BBS9: variants seen among roughly 807,000 people sequenced by gnomAD.
The protein encoded by BBS9 is protein PTHB1.
A neutral mutation model predicts 117.7 loss-of-function variants in BBS9; 89 were observed. The ratio of observed to expected loss-of-function variants is 0.76; its 90% CI spans 0.64 to 0.90. The LOEUF is 0.90. BBS9 is among the 40% of genes least tolerant of loss of function. The probability of loss-of-function intolerance (pLI) is 0.00; values close to 1 mark genes in which losing one functional copy is unlikely to be tolerated. For synonymous variants in BBS9, 379 were observed against 370.9 expected (o/e 1.02, Z -0.25); for missense variants, 982 against 1,042.2 (o/e 0.94, Z 0.80).
intron 19 of BBS9, among the ~76,000 whole-genome samples, chr7:33,488,057 C>T (rs112884348): frequency 2.0e-3 from 299 of 152,288 alleles, no homozygotes; most frequent in African/African-American, 6.8e-3. Context: ...CAAAGCCAAA[C>T]TCTGATCCCA....
chr7:33,259,341 G>A (rs184547109), intron 6 of BBS9, among the ~76,000 whole-genome samples: 1 of 152,176 alleles, frequency 6.6e-6, no homozygotes, highest in Non-Finnish European at 1.5e-5. Context: ...TTCAGTGTAC[G>A]TAGGAGTCAC....
intron 6 of BBS9, among the ~76,000 whole-genome samples, chr7:33,260,800 G>A (rs1797862334): frequency 6.6e-6 from 1 of 152,196 alleles, no homozygotes; most frequent in Non-Finnish European, 1.5e-5. Context: ...ACCTCTAAGA[G>A]TTGAATGTAG....
chr7:33,628,049 AC>A (rs1865723779), intron 21 of BBS9, among the ~76,000 whole-genome samples: 1 of 152,154 alleles, frequency 6.6e-6, no homozygotes, highest in African/African-American at 2.4e-5. Context: ...TAATTTAAAA[AC>A]GTCTCAGATG....
chr7:33,286,273 G>A (rs760338374), intron 9 of BBS9, among the ~76,000 whole-genome samples: 6 of 152,092 alleles, frequency 3.9e-5, no homozygotes, highest in Non-Finnish European at 5.9e-5. Flanking sequence ...ATCCTTTTGT[G>A]TTTTGGGTTC....
chr7:33,549,299 CG>C (rs1430402706), intron 21 of BBS9, among the ~76,000 whole-genome samples: 1 of 128,156 alleles, frequency 7.8e-6, no homozygotes, highest in East Asian at 2.2e-4. Flanking sequence ...AAGACTTAAA[CG>C]TTAGACCTAA....
At chr7:33,601,179 C>CA (rs1863736808) in intron 21 of BBS9, among the ~76,000 whole-genome samples, 1 of 152,188 alleles carries the variant, frequency 6.6e-6, no homozygotes, top group African/African-American at 2.4e-5. Flanking sequence ...GTAGAGTGCT[C>CA]AGCACACAGT....
intron 20 of BBS9, among the ~76,000 whole-genome samples, chr7:33,517,454 T>A (rs1319572930): frequency 6.6e-6 from 1 of 152,196 alleles, no homozygotes; most frequent in Non-Finnish European, 1.5e-5. Context: ...ACTTAGTAGA[T>A]TAATGCCCAG....
chr7:33,189,768 C>G (rs1388527519), intron 5 of BBS9, among the ~76,000 whole-genome samples: 1 of 151,568 alleles, frequency 6.6e-6, no homozygotes, highest in African/African-American at 2.4e-5. Flanking sequence ...TGCCTGTAGT[C>G]CCAGCTACTC....
intron 19 of BBS9, among the ~76,000 whole-genome samples, chr7:33,480,188 T>G (rs916198936): frequency 3.3e-5 from 5 of 152,212 alleles, no homozygotes; most frequent in African/African-American, 1.2e-4. Context: ...TTGTAATGAT[T>G]AAAACATTCT....
chr7:33,387,366 C>G (rs919568978), intron 18 of BBS9, among the ~76,000 whole-genome samples: 13 of 151,980 alleles, frequency 8.6e-5, no homozygotes, highest in Admixed American at 8.5e-4. Context: ...AGGTTGTGGT[C>G]TTTTTCTCAT....
At chr7:33,536,939 T>C (rs767259105) in intron 21 of BBS9, among the ~76,000 whole-genome samples, 13 of 151,822 alleles carry the variant, frequency 8.6e-5, no homozygotes, top group Non-Finnish European at 1.0e-4. Flanking sequence ...CAGTTTACAA[T>C]GTTGGTTTAG....
At chr7:33,245,371 G>C (rs755519117) in intron 5 of BBS9, among the ~76,000 whole-genome samples, 11 of 151,972 alleles carry the variant, frequency 7.2e-5, no homozygotes, top group Non-Finnish European at 1.5e-4. Context: ...CATACAATGA[G>C]TACTTAGTCT....
intron 9 of BBS9, among the ~76,000 whole-genome samples, chr7:33,304,456 C>T (rs986136540): frequency 1.3e-4 from 19 of 150,548 alleles, no homozygotes; most frequent in African/African-American, 2.4e-4. Flanking sequence ...TGCCTCTGCC[C>T]GGCCGCAACC....
chr7:33,273,097 T>C lies in BBS9; in HGVS notation c.788T>C (p.Leu263Pro). The change falls in exon 8 of 23, where the codon CTT (leucine) becomes CCT (proline). Residue 263 changes from leucine (L) to proline (P), a missense_variant. By Grantham distance (98) the Leu-to-Pro change is moderately conservative. Transcript: ENST00000242067. ...CAGTCGGCATCCTCTGTTTTTGTTC[T>C]TGGTGAGAGAAACTTTTTTTGCCTT... ...FNQSASSVFV[L>P]GERNFFCLKD... is the part of the protein sequence containing the mutation. 3 of 1,613,832 alleles carry C rather than the reference T, an allele frequency of 1.9e-6. No individual in the cohort carries two copies. The highest frequency in any genetic ancestry group is 2.5e-6 in the Non-Finnish European group (3 of 1,179,814).
intron 10 of BBS9, among the ~76,000 whole-genome samples, chr7:33,339,138 T>C (rs1273415428): frequency 1.3e-5 from 2 of 152,152 alleles, no homozygotes; most frequent in Non-Finnish European, 2.9e-5. Context: ...TGATGGGCAG[T>C]CCAGGGTTGG....
chr7:33,607,667 AT>A (rs960670683), downstream of BBS9, among the ~76,000 whole-genome samples: 17 of 151,942 alleles, frequency 1.1e-4, no homozygotes, highest in Admixed American at 9.2e-4. Context: ...TTGTAATTTC[AT>A]TTTGTATACA....
chr7:33,551,692 G>C (rs993173594), intron 21 of BBS9, among the ~76,000 whole-genome samples: 4 of 152,134 alleles, frequency 2.6e-5, no homozygotes, highest in African/African-American at 4.8e-5. Context: ...TTATGTTCTG[G>C]CAGGGGACAG....
At chr7:33,186,099 C>T (rs1489197671) in intron 5 of BBS9, among the ~76,000 whole-genome samples, 3 of 152,146 alleles carry the variant, frequency 2.0e-5, no homozygotes, top group African/African-American at 7.2e-5. Flanking sequence ...AATATAAAAG[C>T]GCTTTCTAGC....
At chr7:33,213,983 C>T (rs559843482) in intron 5 of BBS9, among the ~76,000 whole-genome samples, 108 of 152,272 alleles carry the variant, frequency 7.1e-4, no homozygotes, top group Non-Finnish European at 1.2e-3. Flanking sequence ...CTAGCCACCC[C>T]GGATTGTGTC....
Sources: gnomAD v4.1 joint callset for allele counts (sites outside exome capture counted in the v4.1 genomes callset) on GRCh38, gnomAD v4.1.1 for gene constraint, MANE v1.5 for transcripts, NCBI Gene and HGNC (gene_info 2026-07-23, HGNC 2026-07-21) for gene names.